TENM3: variants seen among roughly 807,000 people sequenced by gnomAD.
TENM3 encodes teneurin transmembrane protein 3.
In TENM3, 63 loss-of-function variants were observed where a neutral mutation model predicts 255.1. That is an observed-to-expected ratio of 0.25 (90% CI 0.20 to 0.30). TENM3 has a LOEUF of 0.30. Among genes scored for constraint, TENM3 ranks in the 10% least tolerant of loss-of-function variants. The pLI, the probability that TENM3 is intolerant of heterozygous loss-of-function variation, is 1.00. For synonymous variants in TENM3, 1,306 were observed against 1,322.3 expected, an observed-to-expected ratio of 0.99 and a Z score of 0.27; for missense variants, 2,929 against 3,461.1, an observed-to-expected ratio of 0.85 and a Z score of 3.86.
chr4:182,772,293 C>G (rs960817647), intron 22 of TENM3, among the ~76,000 whole-genome samples: 1 of 152,218 alleles, frequency 6.6e-6, no homozygotes, highest in Non-Finnish European at 1.5e-5. Context: ...TTACTCCTCA[C>G]TCCTGTGTGG....
At chr4:181,544,408 T>TAAAAAAAAAAAAAAAAAAAA in the TENM3 span, among the ~76,000 whole-genome samples, 28 of 68,664 alleles carry the variant, frequency 4.1e-4, 5 homozygotes, top group African/African-American at 4.2e-4. Context: ...CCTTCAGGAT[T>TAAAAAAAAAAAAAAAAAAAA]AAAAAAAAAA....
At chr4:181,473,573 C>G in the TENM3 span, among the ~76,000 whole-genome samples, 1 of 151,564 alleles carries the variant, frequency 6.6e-6, no homozygotes, top group East Asian at 2.0e-4. Flanking sequence ...GCCTGGGTGA[C>G]AGAGTGAGAC....
chr4:182,561,227 T>G (rs541960485), intron 3 of TENM3, among the ~76,000 whole-genome samples: 95 of 151,986 alleles, frequency 6.3e-4, no homozygotes, highest in African/African-American at 2.2e-3. Context: ...CTCTGTAAAT[T>G]TATTAAAAAT....
At chr4:181,455,677 A>T in the TENM3 span, among the ~76,000 whole-genome samples, 46 of 152,138 alleles carry the variant, frequency 3.0e-4, no homozygotes, top group African/African-American at 8.4e-4. Context: ...GGAACAAAGC[A>T]TTATCATCTG....
chr4:181,688,126 C>T, the TENM3 span, among the ~76,000 whole-genome samples: 1 of 152,108 alleles, frequency 6.6e-6, no homozygotes, highest in Non-Finnish European at 1.5e-5. Flanking sequence ...GTGGAATGAA[C>T]TCCCTTAATT....
chr4:182,510,326 C>G (rs745643203), intron 3 of TENM3, among the ~76,000 whole-genome samples: 1 of 152,088 alleles, frequency 6.6e-6, no homozygotes, highest in African/African-American at 2.4e-5. Flanking sequence ...TGCTCTAGCT[C>G]GCCTCTAGCC....
intron 13 of TENM3, among the ~76,000 whole-genome samples, chr4:182,719,950 A>C (rs1396391934): frequency 6.6e-6 from 1 of 151,904 alleles, no homozygotes; most frequent in East Asian, 1.9e-4. Flanking sequence ...AGTCCGAGCT[A>C]CTCAGGAGGC....
chr4:181,663,193 G>C, the TENM3 span, among the ~76,000 whole-genome samples: 2 of 152,128 alleles, frequency 1.3e-5, no homozygotes, highest in Admixed American at 1.3e-4. Context: ...CATTTTCTGT[G>C]GTTTTGAGGC....
At chr4:182,400,719 T>C (rs1278629919) in intron 3 of TENM3, among the ~76,000 whole-genome samples, 3 of 152,232 alleles carry the variant, frequency 2.0e-5, no homozygotes, top group African/African-American at 7.2e-5. Context: ...GCTCTGTTTT[T>C]CTAATTAAGG....
At chr4:181,546,931 C>T in the TENM3 span, among the ~76,000 whole-genome samples, 23 of 151,970 alleles carry the variant, frequency 1.5e-4, 1 homozygote, top group Non-Finnish European at 2.4e-4. Context: ...TCCTGCTGCT[C>T]TTGCTACTTC....
the TENM3 span, among the ~76,000 whole-genome samples, chr4:181,815,872 C>T: frequency 2.0e-5 from 3 of 152,134 alleles, no homozygotes; most frequent in Admixed American, 2.0e-4. Flanking sequence ...TGTGAAAACC[C>T]AGCCTTTTCA....
the TENM3 span, among the ~76,000 whole-genome samples, chr4:181,472,938 T>G: frequency 6.6e-6 from 1 of 152,202 alleles, no homozygotes; most frequent in Non-Finnish European, 1.5e-5. Context: ...AGAGTGCTTG[T>G]GCAAACTCCG....
chr4:181,820,169 G>A, the TENM3 span: 2 of 152,150 alleles, frequency 1.3e-5, no homozygotes, highest in Admixed American at 6.5e-5. Flanking sequence ...AAGAAGGCTT[G>A]GAGCAGCTCC....
chr4:181,758,888 C>T, the TENM3 span, among the ~76,000 whole-genome samples: 5 of 152,240 alleles, frequency 3.3e-5, no homozygotes, highest in South Asian at 1.0e-3. Context: ...TTTTAAAAAC[C>T]AACTGTGTCT....
chr4:182,567,869 G>C (rs1357513874), intron 3 of TENM3, among the ~76,000 whole-genome samples: 1 of 149,212 alleles, frequency 6.7e-6, no homozygotes, highest in Non-Finnish European at 1.5e-5. Context: ...ACAGAAATAG[G>C]CTCTGTTTTG....
At chr4:182,098,953 C>T in the TENM3 span, among the ~76,000 whole-genome samples, 9 of 129,740 alleles carry the variant, frequency 6.9e-5, no homozygotes, top group African/African-American at 2.4e-4. Flanking sequence ...ATGTGCACAA[C>T]TCTTTTTTTC....
At chr4:182,743,740 G>A (rs558142333) in intron 19 of TENM3, among the ~76,000 whole-genome samples, 1 of 152,190 alleles carries the variant, frequency 6.6e-6, no homozygotes, top group Admixed American at 6.5e-5. Flanking sequence ...TGTGACATAG[G>A]TGTAGCTCTT....
chr4:182,006,261 C>A, the TENM3 span, among the ~76,000 whole-genome samples: 1 of 151,608 alleles, frequency 6.6e-6, no homozygotes, highest in Admixed American at 6.6e-5. Flanking sequence ...TTTATTGACT[C>A]CCTCCTTTTC....
At chr4:182,096,975 C>T in the TENM3 span, among the ~76,000 whole-genome samples, 1 of 152,138 alleles carries the variant, frequency 6.6e-6, no homozygotes, top group Non-Finnish European at 1.5e-5. Flanking sequence ...GAGGAATGCA[C>T]ATCAGGGTGA....
Sources: gnomAD v4.1 joint callset for allele counts (sites outside exome capture counted in the v4.1 genomes callset) on GRCh38, gnomAD v4.1.1 for gene constraint, MANE v1.5 for transcripts, NCBI Gene and HGNC (gene_info 2026-07-23, HGNC 2026-07-21) for gene names.